Variants in ZNF280D observed in about 807,000 individuals in gnomAD.
The protein encoded by ZNF280D is suppressor of hairy wing homolog 4.
Under a neutral mutation model 94.7 loss-of-function variants are expected in ZNF280D, and 39 were observed. That is an observed-to-expected ratio of 0.41 (90% CI 0.32 to 0.54). ZNF280D has a LOEUF of 0.54. Ranked by LOEUF, ZNF280D falls within the 20% of genes least tolerant of loss-of-function variation. The pLI, the probability that ZNF280D is intolerant of heterozygous loss-of-function variation, is 0.22. For missense variants in ZNF280D, 1,090 were observed against 1,149.3 expected, an observed-to-expected ratio of 0.95 and a Z score of 0.75; for synonymous variants, 398 against 377.6, an observed-to-expected ratio of 1.05 and a Z score of -0.63.
chr15:56,697,164 C>T (rs370483387), intron 6 of ZNF280D, among the ~76,000 whole-genome samples: 12 of 152,100 alleles, frequency 7.9e-5, no homozygotes, highest in Admixed American at 3.3e-4. Context: ...GTACCTTTCC[C>T]GCTATACCTT....
At chr15:56,697,964 T>C (rs2056848995) in intron 6 of ZNF280D, 1 of 152,196 alleles carries the variant, frequency 6.6e-6, no homozygotes, top group Non-Finnish European at 1.5e-5. Context: ...TACTATGACA[T>C]GTTGTTTTGG....
intron 9 of ZNF280D, among the ~76,000 whole-genome samples, chr15:56,686,822 CAAT>C (rs200836068): frequency 0.014 from 1,735 of 127,394 alleles, 22 homozygotes; most frequent in East Asian, 0.046. Context: ...GGTTATACAA[CAAT>C]GAGAAAAAAT....
chr15:56,728,754 T>A (rs2058748024), intron 1 of ZNF280D, among the ~76,000 whole-genome samples: 1 of 152,192 alleles, frequency 6.6e-6, no homozygotes, highest in Non-Finnish European at 1.5e-5. Context: ...TGAAAGTGCA[T>A]TCATTACTTC....
intron 21 of ZNF280D, 74 bp downstream of exon 21, chr15:56,635,121 C>G (rs992046716): frequency 1.0e-5 from 9 of 887,550 alleles, no homozygotes; most frequent in African/African-American, 7.0e-5. Flanking sequence ...TGCCAGTTAA[C>G]TGTGAAATAA....
At chr15:56,656,043 C>A (rs1450503860) in intron 17 of ZNF280D, among the ~76,000 whole-genome samples, 8 of 152,146 alleles carry the variant, frequency 5.3e-5, no homozygotes, top group Non-Finnish European at 1.2e-4. Flanking sequence ...CTATCCAGAT[C>A]ACTACAAGAA....
intron 19 of ZNF280D, chr15:56,653,502 T>C: frequency 6.6e-7 from 1 of 1,518,010 alleles, no homozygotes; most frequent in South Asian, 1.2e-5. Context: ...TTCACATTCC[T>C]TGGAAAGAGA....
At chr15:56,663,668 G>A (rs1384442108) in intron 16 of ZNF280D, among the ~76,000 whole-genome samples, 3 of 152,150 alleles carry the variant, frequency 2.0e-5, no homozygotes, top group Non-Finnish European at 4.4e-5. Context: ...AGCTGTGTGT[G>A]ATGACAATGA....
chr15:56,643,040 C>A (rs754093757), intron 19 of ZNF280D, 43 bp from the exon 20 acceptor site: 2 of 1,275,048 alleles, frequency 1.6e-6, no homozygotes, highest in Non-Finnish European at 2.1e-6. Flanking sequence ...TTTATATGTA[C>A]GATGGTAAAA....
chr15:56,717,352 A>C (rs2058099942), intron 1 of ZNF280D, among the ~76,000 whole-genome samples: 1 of 152,086 alleles, frequency 6.6e-6, no homozygotes, highest in Non-Finnish European at 1.5e-5. Flanking sequence ...AAAACCTGAG[A>C]CTATAGGGTG....
At chr15:56,718,854 C>T (rs1474802683) in intron 1 of ZNF280D, among the ~76,000 whole-genome samples, 2 of 152,162 alleles carry the variant, frequency 1.3e-5, no homozygotes, top group African/African-American at 4.8e-5. Flanking sequence ...AATCAAATTA[C>T]CTTTTCTTCA....
intron 9 of ZNF280D, 99 bp downstream of exon 9, chr15:56,688,942 C>A: frequency 1.6e-6 from 1 of 625,226 alleles, no homozygotes; most frequent in Non-Finnish European, 2.6e-6. Flanking sequence ...ATGGAAATAC[C>A]AATGAGATTA....
intron 1 of ZNF280D, among the ~76,000 whole-genome samples, chr15:56,727,872 G>GT (rs1337950609): frequency 6.6e-6 from 1 of 152,058 alleles, no homozygotes; most frequent in African/African-American, 2.4e-5. Context: ...AGAGAATAAC[G>GT]TATTTCTAAA....
At chr15:56,644,921 T>C (rs796792498) in intron 19 of ZNF280D, among the ~76,000 whole-genome samples, 2 of 152,208 alleles carry the variant, frequency 1.3e-5, no homozygotes, top group African/African-American at 4.8e-5. Flanking sequence ...CCTTTTACCA[T>C]ATTAGTACTC....
At chr15:56,673,764 G>C (rs1757356959) in intron 13 of ZNF280D, among the ~76,000 whole-genome samples, 1 of 152,002 alleles carries the variant, frequency 6.6e-6, no homozygotes, top group South Asian at 2.1e-4. Context: ...GCTATTCTTT[G>C]AGCATCCCAG....
At chr15:56,642,905 C>A in intron 20 of ZNF280D, 47 bp downstream of exon 20, 1 of 1,353,590 alleles carries the variant, frequency 7.4e-7, no homozygotes, top group Admixed American at 3.3e-5. Context: ...ACCAATAATA[C>A]TTTCAAATGT....
chr15:56,704,170 A>G lies in ZNF280D; in HGVS notation c.126T>C (p.Asp42=). ...ATATCTCGCCAACAAAGATTGGCTC[A>G]TCATCATCGTCATCCTCAACTTCTT... is the stretch of plus-strand genomic sequence containing the variant. The part of the protein sequence containing the change: ...KVKEVEDDDD[D]EPIFVGEISS... The change falls in exon 4 of 22, where the codon GAT becomes GAC. Residue 42 remains aspartate, a synonymous_variant. Transcript: ENST00000267807. The G allele has an allele frequency of 6.2e-7, 1 of 1,613,878 alleles. No homozygotes were observed. The highest frequency in any genetic ancestry group is 8.5e-7 in the Non-Finnish European group (1 of 1,179,922).
At chr15:56,728,997 C>T (rs8024848) in intron 1 of ZNF280D, among the ~76,000 whole-genome samples, 152,239 of 152,334 alleles carry the variant, frequency 1, 76,072 homozygotes, top group Non-Finnish European at 1. Flanking sequence ...CAACTAATGA[C>T]GGGTTTATCA....
intron 1 of ZNF280D, among the ~76,000 whole-genome samples, chr15:56,725,626 G>A (rs576224750): frequency 9.9e-5 from 15 of 152,116 alleles, no homozygotes; most frequent in Middle Eastern, 6.8e-3. Flanking sequence ...GGAGGACCTA[G>A]TAGAATCCTT....
intron 10 of ZNF280D, among the ~76,000 whole-genome samples, chr15:56,681,577 T>C (rs2140999626): frequency 6.6e-6 from 1 of 152,244 alleles, no homozygotes; most frequent in Non-Finnish European, 1.5e-5. Context: ...GGCTACATAA[T>C]CAACAAATAA....
Sources: gnomAD v4.1 joint callset for allele counts (sites outside exome capture counted in the v4.1 genomes callset) on GRCh38, gnomAD v4.1.1 for gene constraint, MANE v1.5 for transcripts, NCBI Gene and HGNC (gene_info 2026-07-23, HGNC 2026-07-21) for gene names.